Variants in HDAC9 observed in about 807,000 individuals in gnomAD.
The protein encoded by HDAC9 is histone deacetylase 9.
In HDAC9, 41 loss-of-function variants were observed where a neutral mutation model predicts 139.4. The ratio of observed to expected loss-of-function variants is 0.29; its 90% confidence interval spans 0.23 to 0.38. HDAC9 has a LOEUF of 0.38. HDAC9 is among the 10% of genes least tolerant of loss of function. The pLI is 1.00. For synonymous variants in HDAC9, 517 were observed against 476.2 expected (o/e 1.09, Z -1.12); for missense variants, 1,147 against 1,297.0 (o/e 0.88, Z 1.78).
intron 2 of HDAC9, among the ~76,000 whole-genome samples, chr7:18,240,747 A>G (rs1332043036): frequency 6.6e-6 from 1 of 152,106 alleles, no homozygotes; most frequent in Non-Finnish European, 1.5e-5. Context: ...ATGCACCTCA[A>G]ATCTTTCTGG....
intron 12 of HDAC9, among the ~76,000 whole-genome samples, chr7:18,708,746 G>A (rs1160542745): frequency 6.6e-6 from 1 of 152,158 alleles, no homozygotes; most frequent in Non-Finnish European, 1.5e-5. Flanking sequence ...GCTTGGTGGA[G>A]GGGAGAGGCC....
At chr7:18,601,562 T>C (rs933830772) in intron 6 of HDAC9, among the ~76,000 whole-genome samples, 6 of 152,246 alleles carry the variant, frequency 3.9e-5, no homozygotes, top group Middle Eastern at 3.4e-3. Flanking sequence ...TTGTTCCCAA[T>C]GTCAGGGGAA....
chr7:18,182,805 A>G (rs1226745818), intron 2 of HDAC9, among the ~76,000 whole-genome samples: 3 of 152,182 alleles, frequency 2.0e-5, no homozygotes, highest in African/African-American at 7.2e-5. Flanking sequence ...AATAAGGCTG[A>G]TGAAGAGTAG....
Position 18,281,427 on chromosome 7 carries a change from G to A in HDAC9, c.25+119078G>A, listed in dbSNP as rs149373991. On this transcript the variant is annotated intron_variant, in intron 2 of 12. Transcript: ENST00000417496. ...GAGAGAGAGGTTGACAAAGGATTCC[G>A]TAACTTCTAGTCTTCAAATGATCAA... 2.9e-3 allele frequency among the ~76,000 whole-genome samples: 446 copies of A among 152,264 alleles called. 5 individuals carry two copies. Among genetic ancestry groups the A allele is most frequent in the African/African-American group, 9.8e-3 (409 of 41,572 alleles).
chr7:18,889,878 A>C (rs1206252816), intron 22 of HDAC9, among the ~76,000 whole-genome samples: 1 of 152,084 alleles, frequency 6.6e-6, no homozygotes, highest in Non-Finnish European at 1.5e-5. Flanking sequence ...TCCTGTAAAA[A>C]ATTTTTTGTA....
intron 2 of HDAC9, among the ~76,000 whole-genome samples, chr7:18,542,167 T>C (rs551491770): frequency 6.6e-6 from 1 of 152,284 alleles, no homozygotes; most frequent in East Asian, 1.9e-4. Flanking sequence ...ACCACTGATC[T>C]CGATGTTCTA....
chr7:18,121,222 C>T (rs1374128444), intron 1 of HDAC9, among the ~76,000 whole-genome samples: 2 of 152,108 alleles, frequency 1.3e-5, no homozygotes, highest in Non-Finnish European at 2.9e-5. Flanking sequence ...GCAAGACTCC[C>T]TCCTCTAGAA....
chr7:18,139,616 A>G (rs1785739062), intron 1 of HDAC9, among the ~76,000 whole-genome samples: 1 of 152,110 alleles, frequency 6.6e-6, no homozygotes, highest in Non-Finnish European at 1.5e-5. Context: ...GAATAATGGC[A>G]CCCCATAAAA....
At chr7:18,607,755 G>A (rs1022852605) in intron 6 of HDAC9, among the ~76,000 whole-genome samples, 1 of 152,036 alleles carries the variant, frequency 6.6e-6, no homozygotes, top group Non-Finnish European at 1.5e-5. Flanking sequence ...TCCTAAGATT[G>A]TATATGAAAC....
chr7:18,396,167 C>G (rs1477833046), intron 1 of HDAC9, among the ~76,000 whole-genome samples: 6 of 128,910 alleles, frequency 4.7e-5, no homozygotes, highest in African/African-American at 1.7e-4. Flanking sequence ...TCCTTCTTTC[C>G]TTTCTTCTAC....
Position 18,632,515 on chromosome 7 carries a change from G to A in HDAC9, c.797-2112G>A, listed in dbSNP as rs576088314. 5.9e-5 allele frequency among the ~76,000 whole-genome samples: 9 copies of A among 152,144 alleles called. 1 individual carries two copies. The South Asian group carries it at 1.2e-3, about 21-fold the overall frequency. Reference sequence around the variant, plus strand: ...AGCCAGGCTTGGACCTTATAGGTGGGATTCGGCCTGCAATGAAATGGAAAG... The same window carrying A: ...AGCCAGGCTTGGACCTTATAGGTGGAATTCGGCCTGCAATGAAATGGAAAG... On this transcript the variant is annotated intron_variant, in intron 7 of 25. Coordinates refer to ENST00000686413, the MANE Select transcript of HDAC9 (RefSeq NM_178425.4).
rs145463711 is a variant in HDAC9, at chr7:18,112,125, C to T, written c.-97+24912C>T. On this transcript the variant is annotated intron_variant, in intron 1 of 12. Coordinates refer to the HDAC9 transcript ENST00000417496. ...ACAACATTTTTCTATTATCTATGCTCTTAAGGTTATTTATGTCTATTATTT... is the reference window on the plus strand; with the variant it reads ...ACAACATTTTTCTATTATCTATGCTTTTAAGGTTATTTATGTCTATTATTT... Among the ~76,000 whole-genome samples, 895 of 152,234 alleles carry T rather than the reference C, an allele frequency of 5.9e-3. 3 individuals are homozygous for T. The Middle Eastern group carries it at 0.061, about 10-fold the overall frequency.
At chr7:18,841,245 C>T (rs55930836) in intron 21 of HDAC9, among the ~76,000 whole-genome samples, 15,671 of 151,766 alleles carry the variant, frequency 0.1, 1,965 homozygotes, top group African/African-American at 0.3. Context: ...AATGGGACCA[C>T]AAGTAAATAT....
chr7:18,634,112 T>A (rs1783153098), intron 7 of HDAC9, among the ~76,000 whole-genome samples: 2 of 152,112 alleles, frequency 1.3e-5, no homozygotes, highest in African/African-American at 2.4e-5. Flanking sequence ...TTTCTTCATA[T>A]AACTTGAACT....
chr7:18,573,417 G>C (rs1360616041), intron 2 of HDAC9, among the ~76,000 whole-genome samples: 1 of 152,226 alleles, frequency 6.6e-6, no homozygotes, highest in African/African-American at 2.4e-5. Flanking sequence ...TATGTTGTTT[G>C]TGTCTAGGGA....
At chr7:18,352,401 A>G (rs530074048) in intron 1 of HDAC9, among the ~76,000 whole-genome samples, 2 of 152,294 alleles carry the variant, frequency 1.3e-5, no homozygotes, top group African/African-American at 4.8e-5. Context: ...TTTGAAAACT[A>G]TTTGAGATAG....
chr7:18,432,397 TAG>T (rs1215657294), intron 1 of HDAC9, among the ~76,000 whole-genome samples: 1 of 152,224 alleles, frequency 6.6e-6, no homozygotes, highest in African/African-American at 2.4e-5. Flanking sequence ...TTTTAGAGCC[TAG>T]TATGAGGGTC....
chr7:18,554,306 A>C (rs1212943566), intron 2 of HDAC9, among the ~76,000 whole-genome samples: 1 of 147,564 alleles, frequency 6.8e-6, no homozygotes, highest in Non-Finnish European at 1.5e-5. Context: ...CTCTGTGTAC[A>C]CCAACTGGTA....
chr7:18,748,886 C>T lies in HDAC9; in HGVS notation c.1910-119C>T, dbSNP rs574565603. 25 of 961,216 alleles carry T rather than the reference C, an allele frequency of 2.6e-5. No individual in the cohort carries two copies. In the Middle Eastern group the frequency reaches 8.8e-4, roughly 34 times the overall value. 59.5% of individuals were successfully genotyped at this position (961,216 alleles called of 1,614,324 possible). ...GAGAATTTGCTTTGTGATATTTCCT[C>T]CTTTGTTAAATTTATTTTAAGAATA... On this transcript the variant is annotated intron_variant, in intron 13 of 25. Coordinates refer to ENST00000686413, the MANE Select transcript of HDAC9 (RefSeq NM_178425.4).
Sources: allele counts gnomAD v4.1 joint callset (sites outside exome capture counted in the v4.1 genomes callset), GRCh38; gene constraint gnomAD v4.1.1; transcripts MANE v1.5; gene names NCBI Gene and HGNC (gene_info 2026-07-23, HGNC 2026-07-21).